Variants in MCTP1 observed in about 807,000 individuals in gnomAD.
MCTP1 encodes multiple C2 and transmembrane domain-containing protein 1.
In MCTP1, 69 loss-of-function variants were observed where a neutral mutation model predicts 120.6. The ratio of observed to expected loss-of-function variants is 0.57; its 90% CI spans 0.47 to 0.70. MCTP1 has a LOEUF of 0.70. MCTP1 is among the 30% of genes least tolerant of loss of function. MCTP1 has a pLI of 0.00. For synonymous variants in MCTP1, 529 were observed against 493.1 expected (o/e 1.07, Z -0.96); for missense variants, 1,203 against 1,248.8 (o/e 0.96, Z 0.55).
At chr5:94,968,084 A>C (rs896561596) in intron 2 of MCTP1, among the ~76,000 whole-genome samples, 1 of 152,160 alleles carries the variant, frequency 6.6e-6, no homozygotes, top group Admixed American at 6.5e-5. Flanking sequence ...GTAACTGGAG[A>C]CATTGTTCTT....
chr5:94,992,134 C>T (rs1036194674), intron 2 of MCTP1, among the ~76,000 whole-genome samples: 5 of 152,052 alleles, frequency 3.3e-5, no homozygotes, highest in Admixed American at 6.6e-5. Context: ...TCTTAAAAGA[C>T]AAAACTACAA....
chr5:95,203,050 C>T (rs1349300095), intron 1 of MCTP1, among the ~76,000 whole-genome samples: 4 of 152,108 alleles, frequency 2.6e-5, no homozygotes, highest in Non-Finnish European at 5.9e-5. Flanking sequence ...TTTCTTAAGC[C>T]TGTAAAAATT....
chr5:94,978,359 C>T (rs1828586661), intron 2 of MCTP1, among the ~76,000 whole-genome samples: 2 of 151,998 alleles, frequency 1.3e-5, no homozygotes, highest in South Asian at 4.1e-4. Flanking sequence ...TAGTATTTAT[C>T]TAAAAGAACT....
At chr5:95,152,967 G>T (rs544582717) in intron 1 of MCTP1, among the ~76,000 whole-genome samples, 27 of 152,296 alleles carry the variant, frequency 1.8e-4, no homozygotes, top group African/African-American at 6.0e-4. Flanking sequence ...ATATGGGCAT[G>T]TGGTCCTGTA....
intron 1 of MCTP1, among the ~76,000 whole-genome samples, chr5:95,104,214 CTTATTACTAA>C (rs1245325110): frequency 6.6e-6 from 1 of 152,130 alleles, no homozygotes; most frequent in African/African-American, 2.4e-5. Context: ...GCAACTTTTC[CTTATTACTAA>C]TGGGACCTGA....
At chr5:95,084,914 T>G (rs1011225834) in intron 1 of MCTP1, among the ~76,000 whole-genome samples, 1 of 152,152 alleles carries the variant, frequency 6.6e-6, no homozygotes, top group African/African-American at 2.4e-5. Context: ...CTGAAGGTGC[T>G]TAGAGTCTGA....
At chr5:94,905,858 T>C (rs887787659) in intron 10 of MCTP1, among the ~76,000 whole-genome samples, 1 of 151,994 alleles carries the variant, frequency 6.6e-6, no homozygotes, top group South Asian at 2.1e-4. Context: ...TGGGAGCCAG[T>C]ATAGATGAAG....
At chr5:95,089,818 TA>T (rs1272976211) in intron 1 of MCTP1, among the ~76,000 whole-genome samples, 1 of 152,182 alleles carries the variant, frequency 6.6e-6, no homozygotes, top group African/African-American at 2.4e-5. Flanking sequence ...TGAAAAATAA[TA>T]CCTATAATAC....
At chr5:94,738,913 G>A (rs1037061297) in intron 19 of MCTP1, among the ~76,000 whole-genome samples, 1 of 152,210 alleles carries the variant, frequency 6.6e-6, no homozygotes, top group Non-Finnish European at 1.5e-5. Flanking sequence ...GGCTGCAGAT[G>A]TCTCCCAGGT....
intron 18 of MCTP1, among the ~76,000 whole-genome samples, chr5:94,787,349 TAC>T (rs1353634912): frequency 6.6e-6 from 1 of 152,182 alleles, no homozygotes; most frequent in Non-Finnish European, 1.5e-5. Context: ...TTGATAAAAA[TAC>T]AGTTTTTATT....
intron 19 of MCTP1, among the ~76,000 whole-genome samples, chr5:94,721,047 A>G (rs187565990): frequency 3.9e-5 from 6 of 152,300 alleles, no homozygotes; most frequent in Admixed American, 2.6e-4. Flanking sequence ...TGACCTTCCT[A>G]TTCAATCCAG....
chr5:94,768,414 T>G (rs929358564), intron 19 of MCTP1, among the ~76,000 whole-genome samples: 1 of 152,092 alleles, frequency 6.6e-6, no homozygotes, highest in East Asian at 1.9e-4. Flanking sequence ...AGGACTATAT[T>G]AGACTAAACA....
chr5:95,207,487 C>T (rs1373105806), intron 1 of MCTP1, among the ~76,000 whole-genome samples: 1 of 152,132 alleles, frequency 6.6e-6, no homozygotes, highest in Non-Finnish European at 1.5e-5. Context: ...TTTTAAATAT[C>T]TCTGCTAAAT....
intron 1 of MCTP1, among the ~76,000 whole-genome samples, chr5:95,233,862 G>A (rs1022406896): frequency 2.6e-5 from 4 of 151,854 alleles, no homozygotes; most frequent in African/African-American, 9.7e-5. Flanking sequence ...TAAATCCAAC[G>A]TAAGCAGAAA....
intron 2 of MCTP1, among the ~76,000 whole-genome samples, chr5:94,983,647 CTG>C (rs1318544975): frequency 1.1e-5 from 1 of 87,702 alleles, no homozygotes; most frequent in Non-Finnish European, 2.4e-5. Flanking sequence ...CTTTATCTGT[CTG>C]TCTGTCTGTC....
chr5:94,713,357 T>G (rs2152550687), intron 20 of MCTP1, among the ~76,000 whole-genome samples: 1 of 152,198 alleles, frequency 6.6e-6, no homozygotes, highest in South Asian at 2.1e-4. Flanking sequence ...ACTGCCAAGA[T>G]CTGGTCATAT....
chr5:95,054,544 C>A (rs1746851524), intron 1 of MCTP1, among the ~76,000 whole-genome samples: 1 of 152,162 alleles, frequency 6.6e-6, no homozygotes, highest in African/African-American at 2.4e-5. Flanking sequence ...CAGTGGTTCC[C>A]CTTCCACCCC....
At position 95,283,971 on chromosome 5, in the gene MCTP1, G is replaced by A; in HGVS notation, c.605C>T (p.Pro202Leu). ...CAGCTGCTCCAGGCAGGCGGTGCCC[G>A]GCAGAGAGGAGCTCTTCTGGTGGCA... is the stretch of plus-strand genomic sequence containing the variant. ...HLCHQKSSSLPGTACLEQLLE... is the reference protein window; with the variant it reads ...HLCHQKSSSLLGTACLEQLLE... The change falls in exon 1 of 23, where the codon CCG (proline) becomes CTG (leucine). Residue 202 changes from proline to leucine, a missense_variant. Pro to Leu is a moderately conservative substitution (Grantham distance 98). Transcript: ENST00000515393. 1 of 1,429,730 alleles carries A rather than the reference G, an allele frequency of 7.0e-7. No homozygotes were observed. The highest frequency in any genetic ancestry group is 9.1e-7 in the Non-Finnish European group (1 of 1,095,858). The allele number at this position is 1,429,730 out of a possible 1,614,324, so 88.6% of individuals were successfully genotyped here. A position where few individuals can be genotyped will look rare whatever the true frequency, so the allele number is the denominator to read the frequency against.
At chr5:94,907,738 A>G (rs1328202273) in intron 10 of MCTP1, among the ~76,000 whole-genome samples, 2 of 152,066 alleles carry the variant, frequency 1.3e-5, no homozygotes, top group South Asian at 2.1e-4. Flanking sequence ...TTAAATTGGA[A>G]AATTCTTACC....
Sources: gnomAD v4.1 joint callset for allele counts (sites outside exome capture counted in the v4.1 genomes callset) on GRCh38, gnomAD v4.1.1 for gene constraint, MANE v1.5 for transcripts, NCBI Gene and HGNC (gene_info 2026-07-23, HGNC 2026-07-21) for gene names.